Variants in HM13 observed in about 807,000 individuals in gnomAD.
HM13 encodes the protein signal peptide peptidase.
In HM13, 18 loss-of-function variants were observed where a neutral mutation model predicts 50.0. The observed-to-expected ratio is 0.36, with a 90% CI of 0.25 to 0.53. The LOEUF (loss-of-function observed/expected upper bound fraction) is 0.53, where lower values mean the gene tolerates loss of function less well. HM13 is among the 20% of genes least tolerant of loss of function. HM13 has a pLI of 0.90. For missense variants in HM13, 393 were observed against 552.4 expected (o/e 0.71, Z 2.89); for synonymous variants, 197 against 232.6 (o/e 0.85, Z 1.39).
intron 10 of HM13, among the ~76,000 whole-genome samples, chr20:31,564,851 C>CAAAAAAAA (rs11476071): frequency 8.6e-6 from 1 of 116,684 alleles, no homozygotes; most frequent in Non-Finnish European, 1.9e-5. Context: ...CTCAAAATCA[C>CAAAAAAAA]AAAAAAAAAA....
intron 3 of HM13, among the ~76,000 whole-genome samples, chr20:31,542,526 A>G (rs115408894): frequency 0.011 from 1,709 of 152,288 alleles, 29 homozygotes; most frequent in African/African-American, 0.04. Context: ...GCCTGCTACA[A>G]AAGTCTGCAT....
chr20:31,536,081 G>A (rs1042241146), intron 2 of HM13, among the ~76,000 whole-genome samples: 5 of 152,122 alleles, frequency 3.3e-5, no homozygotes, highest in African/African-American at 1.2e-4. Flanking sequence ...CGGATCTGGA[G>A]GCTGGGTGCG....
At chr20:31,566,836 CACCT>C (rs1448942739) in intron 11 of HM13, among the ~76,000 whole-genome samples, 1 of 152,004 alleles carries the variant, frequency 6.6e-6, no homozygotes, top group African/African-American at 2.4e-5. Flanking sequence ...GCCATATCCA[CACCT>C]ACCACACCCT....
chr20:31,522,557 A>AAC (rs1383865032), intron 1 of HM13, among the ~76,000 whole-genome samples: 9 of 150,672 alleles, frequency 6.0e-5, no homozygotes, highest in African/African-American at 2.0e-4. Flanking sequence ...AAAAAAACAA[A>AAC]AAAAAAAAAC....
intron 4 of HM13, chr20:31,548,097 G>A: frequency 8.3e-7 from 1 of 1,208,208 alleles, no homozygotes. Flanking sequence ...TATTGATTGT[G>A]TCGTATGTGT....
intron 2 of HM13, chr20:31,528,128 C>A (rs554032627): frequency 1.3e-5 from 2 of 152,082 alleles, no homozygotes; most frequent in African/African-American, 4.8e-5. Context: ...TTTGTAGCTG[C>A]TTTTTTCACT....
intron 7 of HM13, among the ~76,000 whole-genome samples, chr20:31,552,253 C>T (rs1984073803): frequency 6.6e-6 from 1 of 152,016 alleles, no homozygotes; most frequent in Admixed American, 6.6e-5. Flanking sequence ...CATACAGGGG[C>T]AATATGGGCA....
At chr20:31,536,176 C>T (rs1227024414) in intron 2 of HM13, among the ~76,000 whole-genome samples, 1 of 152,080 alleles carries the variant, frequency 6.6e-6, no homozygotes, top group African/African-American at 2.4e-5. Context: ...CCAGCCTGAC[C>T]AACATGGTGA....
intron 1 of HM13, among the ~76,000 whole-genome samples, chr20:31,515,217 CA>C (rs1981701329): frequency 1.3e-5 from 2 of 152,352 alleles, no homozygotes; most frequent in South Asian, 4.1e-4. Context: ...CATCCAGACC[CA>C]TCCCTAGACT....
chr20:31,568,294 T>C (rs1190181385), intron 12 of HM13, 70 bp downstream of exon 12: 13 of 1,572,102 alleles, frequency 8.3e-6, no homozygotes, highest in Non-Finnish European at 1.1e-5. Flanking sequence ...GGGCAGACAC[T>C]GCAGCTCCAG....
At position 31,569,358 on chromosome 20, in the gene HM13, G is replaced by A. The variant is rs986926878; in HGVS notation, c.*139G>A. 5.6e-6 allele frequency: 3 copies of A among 535,386 alleles called. No individual in the cohort carries two copies. The highest frequency in any genetic ancestry group is 1.0e-5 in the Non-Finnish European group (3 of 291,926). 33.2% of individuals were successfully genotyped at this position (535,386 alleles called of 1,614,324 possible). A position where few individuals can be genotyped will look rare whatever the true frequency, so the allele number is the denominator to read the frequency against. ...GGGGGCAGCAGGATACCTCCAGCCA[G>A]GCCTCTGTGGCCTCTGTTTCCTTCT... On this transcript the variant is annotated 3_prime_UTR_variant, in exon 13 of 13. Transcript: ENST00000398174.
chr20:31,559,371 T>TG (rs1245319791), intron 8 of HM13, among the ~76,000 whole-genome samples: 12 of 152,226 alleles, frequency 7.9e-5, no homozygotes, highest in African/African-American at 2.9e-4. Context: ...TGACATAGTA[T>TG]GATGCGGTGA....
In HM13 at chr20:31,534,684, A is replaced by G. The variant is rs562180546; in HGVS notation, c.283-3495A>G. 2.3e-4 allele frequency among the ~76,000 whole-genome samples: 35 copies of G among 152,044 alleles called. No homozygotes were observed. The South Asian group carries it at 5.4e-3, about 24-fold the overall frequency. Reference sequence around the variant, plus strand: ...TGTAGTCCCAACTACTTGGGGGCTGAGGCAGGAGGATCACTTGAACCCTGG... The same window carrying G: ...TGTAGTCCCAACTACTTGGGGGCTGGGGCAGGAGGATCACTTGAACCCTGG... On this transcript the variant is annotated intron_variant, in intron 2 of 12. Coordinates refer to ENST00000398174, the MANE Select transcript of HM13 (RefSeq NM_178581.3).
chr20:31,550,371 G>A (rs1983977726), intron 7 of HM13: 1 of 509,316 alleles, frequency 2.0e-6, no homozygotes, highest in Non-Finnish European at 3.6e-6. Flanking sequence ...AGCGAGCATG[G>A]AGGGGAAGTG....
At chr20:31,541,529 G>T (rs1169982867) in intron 3 of HM13, 1 of 150,528 alleles carries the variant, frequency 6.6e-6, no homozygotes, top group Non-Finnish European at 1.5e-5. Flanking sequence ...GCCATAGGCA[G>T]AAGGTATGCT....
chr20:31,548,712 C>A (rs1371096238), intron 4 of HM13: 2 of 404,822 alleles, frequency 4.9e-6, no homozygotes, highest in Non-Finnish European at 9.2e-6. Flanking sequence ...GCACTGCCTT[C>A]CCCAAGGTCA....
rs139653906 is a variant in HM13 at position 31,532,230 on chromosome 20, T to G, written c.282+4648T>G. Among the ~76,000 whole-genome samples, 596 of 151,968 alleles carry G rather than the reference T, an allele frequency of 3.9e-3. 5 individuals carry two copies. Among genetic ancestry groups the G allele is most frequent in the African/African-American group, 0.014 (575 of 41,468 alleles). ...TCACGAGGTCAGGAGATCGAGACCA[T>G]CCTGGCCAACATGGTGAAACCCCGT... On this transcript the variant is annotated intron_variant, in intron 2 of 12. Transcript: ENST00000398174.
At position 31,545,058 on chromosome 20, in the gene HM13, T is replaced by C. The variant is rs761978770; in HGVS notation, c.454+23T>C. 8 of 1,577,102 alleles carry C rather than the reference T, an allele frequency of 5.1e-6. No individual in the cohort carries two copies. In the South Asian group the frequency reaches 5.5e-5, roughly 11 times the overall value. On this transcript the variant is annotated intron_variant, in intron 4 of 12. Coordinates refer to ENST00000398174, the MANE Select transcript of HM13 (RefSeq NM_178581.3). ...AAGGTCAGTGCTAACCACTTTCCCC[T>C]GTAGTGTGCCTTGGGTGTCTTCCTC...
intron 1 of HM13, among the ~76,000 whole-genome samples, chr20:31,521,592 G>A (rs2122541774): frequency 6.6e-6 from 1 of 152,126 alleles, no homozygotes; most frequent in Middle Eastern, 3.4e-3. Context: ...AGCTGGGCGT[G>A]GTGGTACATG....
Sources: allele counts gnomAD v4.1 joint callset (sites outside exome capture counted in the v4.1 genomes callset), GRCh38; gene constraint gnomAD v4.1.1; transcripts MANE v1.5; gene names NCBI Gene and HGNC (gene_info 2026-07-23, HGNC 2026-07-21).